The following EPHB2 variants were observed in gnomAD, a reference collection of about 807,000 sequenced individuals.
EPHB2 encodes ephrin type-B receptor 2.
A neutral mutation model predicts 96.4 loss-of-function variants in EPHB2; 18 were observed. The observed-to-expected ratio is 0.19, with a 90% CI of 0.13 to 0.28. The LOEUF (loss-of-function observed/expected upper bound fraction) is 0.28, where lower values mean the gene tolerates loss of function less well. Ranked by LOEUF, EPHB2 falls within the 10% of genes least tolerant of loss-of-function variation. The probability of loss-of-function intolerance (pLI) is 1.00; values close to 1 mark genes in which losing one functional copy is unlikely to be tolerated. For missense variants in EPHB2, 989 were observed against 1,355.4 expected (o/e 0.73, Z 4.25); for synonymous variants, 506 against 534.1 (o/e 0.95, Z 0.72).
intron 1 of EPHB2, among the ~76,000 whole-genome samples, chr1:22,776,067 G>A (rs918120716): frequency 2.0e-5 from 3 of 152,174 alleles, no homozygotes; most frequent in Non-Finnish European, 4.4e-5. Context: ...TCAGAGAGCT[G>A]CTAACCGTTC....
chr1:22,792,574 C>T (rs1049500790), intron 3 of EPHB2, among the ~76,000 whole-genome samples: 1 of 151,914 alleles, frequency 6.6e-6, no homozygotes, highest in East Asian at 1.9e-4. Flanking sequence ...TCCATTGGTC[C>T]ATCCATCCAT....
At chr1:22,856,200 A>T (rs1344130234) in intron 3 of EPHB2, among the ~76,000 whole-genome samples, 1 of 152,136 alleles carries the variant, frequency 6.6e-6, no homozygotes, top group Non-Finnish European at 1.5e-5. Flanking sequence ...GGTTTTGAGG[A>T]TCACCTGATG....
At chr1:22,868,173 C>A (rs1027886857) in intron 5 of EPHB2, among the ~76,000 whole-genome samples, 7 of 152,228 alleles carry the variant, frequency 4.6e-5, no homozygotes, top group African/African-American at 1.7e-4. Context: ...CTGGGATGGA[C>A]CCTGCTGTCT....
At chr1:22,891,026 G>C (rs76622423) in intron 6 of EPHB2, 40 of 454,218 alleles carry the variant, frequency 8.8e-5, no homozygotes, top group Non-Finnish European at 1.6e-4. Context: ...CATGTCCCTC[G>C]GTATGTGCTT....
At chr1:22,759,257 C>A (rs946384814) in intron 1 of EPHB2, among the ~76,000 whole-genome samples, 1 of 152,108 alleles carries the variant, frequency 6.6e-6, no homozygotes, top group Non-Finnish European at 1.5e-5. Context: ...CCTCACTGAA[C>A]CCTAGTTATC....
chr1:22,743,079 A>T (rs928072102), intron 1 of EPHB2, among the ~76,000 whole-genome samples: 2 of 148,906 alleles, frequency 1.3e-5, no homozygotes, highest in Non-Finnish European at 3.0e-5. Context: ...TTTAGTAGAG[A>T]TCGAGTCTCA....
intron 3 of EPHB2, among the ~76,000 whole-genome samples, chr1:22,816,708 T>C (rs1300984809): frequency 1.3e-5 from 2 of 152,154 alleles, no homozygotes; most frequent in African/African-American, 4.8e-5. Flanking sequence ...TCACAGCAAC[T>C]GTAGGATATA....
In EPHB2 at chr1:22,729,230, C is replaced by T. The variant is rs117632764; in HGVS notation, c.61+18187C>T. 2.5e-4 allele frequency among the ~76,000 whole-genome samples: 38 copies of T among 152,286 alleles called. No homozygotes were observed. In the East Asian group the frequency reaches 7.3e-3, roughly 29 times the overall value. On this transcript the variant is annotated intron_variant, in intron 1 of 15. Coordinates refer to ENST00000374630, the MANE Select transcript of EPHB2 (RefSeq NM_017449.5). ...CCAGCAGCTTTGGAATGCCCCATTC[C>T]GAGGGGTGTGGACATTCTCACCTGG...
intron 1 of EPHB2, among the ~76,000 whole-genome samples, chr1:22,734,162 C>G (rs573314430): frequency 6.6e-6 from 1 of 152,294 alleles, no homozygotes; most frequent in Non-Finnish European, 1.5e-5. Flanking sequence ...GGCTTTGGAG[C>G]AGCTGCCTCT....
intron 1 of EPHB2, among the ~76,000 whole-genome samples, chr1:22,712,570 G>A (rs1362087955): frequency 1.3e-5 from 2 of 152,104 alleles, no homozygotes; most frequent in Non-Finnish European, 2.9e-5. Context: ...TTTAGTGACC[G>A]CAGTCAGGGG....
At chr1:22,910,659 T>C in intron 14 of EPHB2, 84 bp downstream of exon 14, 1 of 1,524,562 alleles carries the variant, frequency 6.6e-7, no homozygotes, top group Admixed American at 1.9e-5. Context: ...TTCAGGCAAA[T>C]GCTCTTCCTT....
intron 1 of EPHB2, among the ~76,000 whole-genome samples, chr1:22,753,838 C>T (rs1157463916): frequency 6.6e-6 from 1 of 152,148 alleles, no homozygotes; most frequent in African/African-American, 2.4e-5. Context: ...TTATATCCTC[C>T]GCCTCTCCAG....
intron 3 of EPHB2, among the ~76,000 whole-genome samples, chr1:22,809,556 C>T (rs1276778665): frequency 6.6e-6 from 1 of 152,194 alleles, no homozygotes; most frequent in Non-Finnish European, 1.5e-5. Flanking sequence ...GTTGAATCCT[C>T]ACCATCTCTC....
At chr1:22,799,343 G>A (rs1044516539) in intron 3 of EPHB2, among the ~76,000 whole-genome samples, 2 of 152,136 alleles carry the variant, frequency 1.3e-5, no homozygotes, top group Non-Finnish European at 2.9e-5. Context: ...GGAAGGTTTA[G>A]CAAAATAGGT....
chr1:22,870,587 G>A (rs1454323003), intron 5 of EPHB2, among the ~76,000 whole-genome samples: 1 of 152,154 alleles, frequency 6.6e-6, no homozygotes, highest in African/African-American at 2.4e-5. Context: ...AGGTCCGAAT[G>A]ACAAGCAGAC....
chr1:22,781,367 A>G, intron 1 of EPHB2, 54 bp from the exon 2 acceptor site: 3 of 1,522,004 alleles, frequency 2.0e-6, no homozygotes, highest in Non-Finnish European at 2.7e-6. Flanking sequence ...CAACAGAAAG[A>G]TTGACAGCGC....
intron 1 of EPHB2, among the ~76,000 whole-genome samples, chr1:22,721,512 A>T (rs1643465929): frequency 6.6e-6 from 1 of 152,180 alleles, no homozygotes; most frequent in East Asian, 1.9e-4. Flanking sequence ...GTAAGAGCGC[A>T]TGTCCAGTCT....
At chr1:22,749,913 T>G (rs952373253) in intron 1 of EPHB2, among the ~76,000 whole-genome samples, 1 of 152,130 alleles carries the variant, frequency 6.6e-6, no homozygotes, top group Non-Finnish European at 1.5e-5. Flanking sequence ...TCAAGACGTG[T>G]GGTTTGACAA....
At chr1:22,736,780 T>C (rs576038821) in intron 1 of EPHB2, among the ~76,000 whole-genome samples, 1 of 152,268 alleles carries the variant, frequency 6.6e-6, no homozygotes, top group African/African-American at 2.4e-5. Context: ...CCCAGCGCAC[T>C]GTGGGGCGGC....
Sources: allele counts gnomAD v4.1 joint callset (sites outside exome capture counted in the v4.1 genomes callset), GRCh38; gene constraint gnomAD v4.1.1; transcripts MANE v1.5; gene names NCBI Gene and HGNC (gene_info 2026-07-23, HGNC 2026-07-21).